Variants in SLC6A15 observed in about 807,000 individuals in gnomAD.
SLC6A15 encodes the protein solute carrier family 6 member 15.
Under a neutral mutation model 68.5 loss-of-function variants are expected in SLC6A15, and 33 were observed. The ratio of observed to expected loss-of-function variants is 0.48; its 90% CI spans 0.37 to 0.64. The LOEUF (loss-of-function observed/expected upper bound fraction) is 0.64. SLC6A15 is among the 30% of genes least tolerant of loss of function. The pLI, the probability that SLC6A15 is intolerant of heterozygous loss-of-function variation, is 0.00. For missense variants in SLC6A15, 747 were observed against 874.3 expected (o/e 0.85, Z 1.84); for synonymous variants, 347 against 301.0 (o/e 1.15, Z -1.58).
chr12:84,889,188 A>G (rs1255951331), intron 2 of SLC6A15, among the ~76,000 whole-genome samples: 1 of 152,154 alleles, frequency 6.6e-6, no homozygotes, highest in East Asian at 1.9e-4. Context: ...TACTTCAGGT[A>G]ATCTAAGCAT....
At chr12:84,863,165 G>T (rs1377841497) in intron 11 of SLC6A15, among the ~76,000 whole-genome samples, 1 of 151,996 alleles carries the variant, frequency 6.6e-6, no homozygotes, top group Non-Finnish European at 1.5e-5. Context: ...AGAGTCAAAG[G>T]CCCAATAATT....
chr12:84,910,107 T>C (rs2120753381), intron 1 of SLC6A15, among the ~76,000 whole-genome samples: 1 of 152,262 alleles, frequency 6.6e-6, no homozygotes, highest in South Asian at 2.1e-4. Context: ...AGTGATAGAG[T>C]ACTGATCTCC....
chr12:84,910,604 C>T (rs1873390253), intron 1 of SLC6A15, among the ~76,000 whole-genome samples: 1 of 152,124 alleles, frequency 6.6e-6, no homozygotes, highest in Admixed American at 6.5e-5. Context: ...AGAAACATCC[C>T]GTCTAACCAA....
chr12:84,885,958 T>C lies in SLC6A15; in HGVS notation c.400A>G (p.Asn134Asp), dbSNP rs375853172. Residue 134 changes from asparagine to aspartate, a missense_variant, in exon 3 of 12, where the codon AAT becomes GAT. Asn to Asp is a conservative substitution (Grantham distance 23). Transcript: ENST00000266682. ...CCGCCCAGTTTAGGGCTTATGTAATTCCATACACCAATGCTGCCTCGCCGA... is the reference window on the plus strand; with the variant it reads ...CCGCCCAGTTTAGGGCTTATGTAATCCCATACACCAATGCTGCCTCGCCGA... ...RIRRGSIGVW[N>D]YISPKLGGIG... The C allele has an allele frequency of 1.1e-5, 18 of 1,612,736 alleles. No individual in the cohort carries two copies. The highest frequency in any genetic ancestry group is 1.4e-5 in the Non-Finnish European group (17 of 1,179,310).
At chr12:84,877,519 C>A (rs2120601192) in intron 5 of SLC6A15, among the ~76,000 whole-genome samples, 1 of 152,282 alleles carries the variant, frequency 6.6e-6, no homozygotes, top group East Asian at 1.9e-4. Flanking sequence ...CACCACTCTT[C>A]CCATGGAGCT....
chr12:84,899,406 G>A (rs1393566413), intron 1 of SLC6A15, among the ~76,000 whole-genome samples: 1 of 152,176 alleles, frequency 6.6e-6, no homozygotes, highest in Non-Finnish European at 1.5e-5. Flanking sequence ...TTGAGGAGAG[G>A]CACAAAGTGA....
chr12:84,891,903 G>T lies in SLC6A15; in HGVS notation c.218C>A (p.Ala73Asp). 6.2e-7 allele frequency: 1 copy of T among 1,613,914 alleles called. No individual in the cohort carries two copies. The change falls in exon 2 of 12, where the codon GCC (alanine) becomes GAC (aspartate). Residue 73 changes from alanine to aspartate, a missense_variant. Ala to Asp is a moderately radical substitution (Grantham distance 126). Transcript: ENST00000266682. ...TAAACCTACAGAAAATCCAACTTGG[G>T]CCAGGATGTATTGTAGTTTACTGTT... is the stretch of plus-strand genomic sequence containing the variant. ...AWNSKLQYILAQVGFSVGLGN... is the reference protein window; with the variant it reads ...AWNSKLQYILDQVGFSVGLGN...
rs1871850010 is a variant in SLC6A15 at position 84,882,166 on chromosome 12, CA to C, written c.756+1692del. 3.0e-6 allele frequency: 3 copies of C among 985,212 alleles called. No individual in the cohort carries two copies. The Admixed American group carries it at 1.8e-4, about 61-fold the overall frequency. 61.0% of individuals were successfully genotyped at this position (985,212 alleles called of 1,614,324 possible). ...ACGTGGTAGTAAGAGAACCTGAGTA[CA>C]AGAGTTTTTGAGCTTCTCTGGATGA... is the stretch of plus-strand genomic sequence containing the variant. On this transcript the variant is annotated intron_variant, in intron 5 of 11. Coordinates refer to ENST00000266682, the MANE Select transcript of SLC6A15 (RefSeq NM_182767.6).
intron 2 of SLC6A15, among the ~76,000 whole-genome samples, chr12:84,886,317 AATTT>A (rs1454706658): frequency 9.2e-5 from 14 of 152,252 alleles, no homozygotes; most frequent in Middle Eastern, 3.4e-3. Context: ...CTTTAGCTTA[AATTT>A]ATTTAAAGAG....
At chr12:84,905,299 T>C (rs900338223) in intron 1 of SLC6A15, among the ~76,000 whole-genome samples, 1 of 152,108 alleles carries the variant, frequency 6.6e-6, no homozygotes, top group Non-Finnish European at 1.5e-5. Flanking sequence ...AATGACAGGC[T>C]AAAGGAAAAA....
Position 84,876,618 on chromosome 12 carries a change from A to C in SLC6A15, c.757-11T>G, listed in dbSNP as rs980227226. 7.6e-7 allele frequency: 1 copy of C among 1,312,246 alleles called. No homozygotes were observed. The highest frequency in any genetic ancestry group is 1.1e-6 in the Non-Finnish European group (1 of 936,458). 81.3% of individuals were successfully genotyped at this position (1,312,246 alleles called of 1,614,324 possible). A position where few individuals can be genotyped will look rare whatever the true frequency, so the allele number is the denominator to read the frequency against. On this transcript the variant is annotated splice_polypyrimidine_tract_variant and intron_variant, in intron 5 of 11. Coordinates refer to ENST00000266682, the MANE Select transcript of SLC6A15 (RefSeq NM_182767.6). ...ACTAAAATATATGATCTGCAAAGAAATAAAAATAAAAATAAGTGAGATACA... is the reference window on the plus strand; with the variant it reads ...ACTAAAATATATGATCTGCAAAGAACTAAAAATAAAAATAAGTGAGATACA...
rs200714849 is a variant in SLC6A15, at chr12:84,861,698, A to G, written c.2127T>C (p.Asn709=). 5 of 1,613,930 alleles carry G rather than the reference A, an allele frequency of 3.1e-6. No homozygotes were observed. Among genetic ancestry groups the G allele is most frequent in the Non-Finnish European group, 4.2e-6 (5 of 1,179,866 alleles). Reference sequence around the variant, plus strand: ...TCAAGTACCCTATTCCATACCGTCCATTGGGAGCAGTATCCAGAGTTGGGG... The same window carrying G: ...TCAAGTACCCTATTCCATACCGTCCGTTGGGAGCAGTATCCAGAGTTGGGG... ...SGSPTLDTAP[N]GRYGIGYLMA... is the part of the protein sequence containing the mutation. Residue 709 remains asparagine, a synonymous_variant, in exon 12 of 12, where the codon AAT becomes AAC. Transcript: ENST00000266682.
At chr12:84,890,484 A>G (rs137976625) in intron 2 of SLC6A15, among the ~76,000 whole-genome samples, 5 of 152,338 alleles carry the variant, frequency 3.3e-5, no homozygotes, top group East Asian at 1.9e-4. Flanking sequence ...AGGATAGTAC[A>G]TAGTTGCTTA....
intron 6 of SLC6A15, among the ~76,000 whole-genome samples, chr12:84,875,636 T>C (rs1462389014): frequency 1.6e-5 from 2 of 128,820 alleles, no homozygotes; most frequent in South Asian, 2.7e-4. Context: ...AGCAAACTAA[T>C]AGTGGGGTGC....
At chr12:84,884,829 TTAGAG>T (rs1872007632) in intron 4 of SLC6A15, among the ~76,000 whole-genome samples, 1 of 151,962 alleles carries the variant, frequency 6.6e-6, no homozygotes, top group African/African-American at 2.4e-5. Flanking sequence ...TTAATAATGT[TTAGAG>T]TAATTATATA....
At chr12:84,887,528 T>C (rs530396270) in intron 2 of SLC6A15, among the ~76,000 whole-genome samples, 67 of 152,306 alleles carry the variant, frequency 4.4e-4, no homozygotes, top group Admixed American at 7.2e-4. Flanking sequence ...CTAACAAAAC[T>C]ACATATACAA....
chr12:84,882,983 C>T (rs1871894820), intron 5 of SLC6A15: 1 of 976,792 alleles, frequency 1.0e-6, no homozygotes, highest in African/African-American at 1.8e-5. Flanking sequence ...GCCATTCCTG[C>T]TAGTATATGA....
intron 1 of SLC6A15, among the ~76,000 whole-genome samples, chr12:84,902,803 T>C (rs2120724377): frequency 6.6e-6 from 1 of 152,126 alleles, no homozygotes; most frequent in African/African-American, 2.4e-5. Context: ...ATAACATAAT[T>C]ATAGAAATAA....
At chr12:84,867,227 C>T (rs1334431167) in intron 9 of SLC6A15, 34 bp from the exon 10 acceptor site, 3 of 1,537,352 alleles carry the variant, frequency 2.0e-6, no homozygotes, top group Non-Finnish European at 2.6e-6. Context: ...AAATGAGACT[C>T]TATTCAGAGA....
Sources: gnomAD v4.1 joint callset for allele counts (sites outside exome capture counted in the v4.1 genomes callset) on GRCh38, gnomAD v4.1.1 for gene constraint, MANE v1.5 for transcripts, NCBI Gene and HGNC (gene_info 2026-07-23, HGNC 2026-07-21) for gene names.